Variants in NKAIN3 observed in about 807,000 individuals in gnomAD.
NKAIN3 encodes sodium/potassium-transporting ATPase subunit beta-1-interacting protein 3.
Under a neutral mutation model 30.2 loss-of-function variants are expected in NKAIN3, and 25 were observed. The ratio of observed to expected loss-of-function variants is 0.83; its 90% CI spans 0.60 to 1.16. The LOEUF (loss-of-function observed/expected upper bound fraction) is 1.16, where lower values mean the gene tolerates loss of function less well. Among genes scored for constraint, NKAIN3 ranks in the 50% most tolerant of loss-of-function variants. The pLI is 0.00. For synonymous variants in NKAIN3, 91 were observed against 89.6 expected, an observed-to-expected ratio of 1.02 and a Z score of -0.09; for missense variants, 225 against 254.1, an observed-to-expected ratio of 0.89 and a Z score of 0.78.
At chr8:62,725,150 T>G (rs1815215181) in intron 3 of NKAIN3, among the ~76,000 whole-genome samples, 1 of 152,196 alleles carries the variant, frequency 6.6e-6, no homozygotes, top group Non-Finnish European at 1.5e-5. Flanking sequence ...GAGCACCTCT[T>G]AATGTATCTG....
At chr8:62,486,932 C>A (rs1353139656) in intron 1 of NKAIN3, among the ~76,000 whole-genome samples, 2 of 152,122 alleles carry the variant, frequency 1.3e-5, no homozygotes, top group African/African-American at 4.8e-5. Context: ...GATGGCCCAA[C>A]GAAGTGGAAG....
chr8:62,660,481 A>G (rs1315163649), intron 3 of NKAIN3, among the ~76,000 whole-genome samples: 1 of 152,134 alleles, frequency 6.6e-6, no homozygotes, highest in Non-Finnish European at 1.5e-5. Context: ...GAAGAGCCCA[A>G]TTACACCTGG....
chr8:62,496,476 A>G (rs1280523798), intron 1 of NKAIN3, among the ~76,000 whole-genome samples: 2 of 152,174 alleles, frequency 1.3e-5, no homozygotes, highest in Non-Finnish European at 2.9e-5. Context: ...TGAAAGGAAC[A>G]GTACCATAGG....
intron 1 of NKAIN3, among the ~76,000 whole-genome samples, chr8:62,562,152 C>T (rs1809604176): frequency 6.6e-6 from 1 of 152,130 alleles, no homozygotes; most frequent in East Asian, 1.9e-4. Flanking sequence ...TATTTAGCCT[C>T]TTTATACACA....
intron 3 of NKAIN3, among the ~76,000 whole-genome samples, chr8:62,614,973 C>A (rs1296322960): frequency 6.6e-6 from 1 of 152,162 alleles, no homozygotes; most frequent in Non-Finnish European, 1.5e-5. Flanking sequence ...ACACCAAGAG[C>A]CTGCTTGGTG....
intron 4 of NKAIN3, among the ~76,000 whole-genome samples, chr8:62,778,587 G>T (rs1817258507): frequency 6.6e-6 from 1 of 151,994 alleles, no homozygotes; most frequent in African/African-American, 2.4e-5. Context: ...GCCAGGCCTG[G>T]GACTCTCCCT....
At chr8:62,323,483 G>T (rs756448970) in intron 1 of NKAIN3, among the ~76,000 whole-genome samples, 5 of 152,210 alleles carry the variant, frequency 3.3e-5, no homozygotes, top group Non-Finnish European at 5.9e-5. Flanking sequence ...TAACAAGAAT[G>T]CTGTGAGTCC....
chr8:62,736,550 C>A (rs1174999796), intron 3 of NKAIN3, among the ~76,000 whole-genome samples: 1 of 152,192 alleles, frequency 6.6e-6, no homozygotes, highest in African/African-American at 2.4e-5. Context: ...CACGCAACAG[C>A]ACCAAGTTTA....
chr8:62,860,177 A>T (rs562071064), intron 4 of NKAIN3, among the ~76,000 whole-genome samples: 1 of 152,338 alleles, frequency 6.6e-6, no homozygotes, highest in East Asian at 1.9e-4. Flanking sequence ...AATTTGGAAG[A>T]GGCAAAATAT....
At chr8:62,472,379 G>T (rs1055598744) in intron 1 of NKAIN3, among the ~76,000 whole-genome samples, 1 of 152,118 alleles carries the variant, frequency 6.6e-6, no homozygotes, top group African/African-American at 2.4e-5. Flanking sequence ...TTGAGTGATG[G>T]GCAAGATACC....
intron 1 of NKAIN3, among the ~76,000 whole-genome samples, chr8:62,436,516 A>C (rs1271004946): frequency 6.6e-6 from 1 of 152,190 alleles, no homozygotes; most frequent in Admixed American, 6.5e-5. Flanking sequence ...TGTGATCACC[A>C]GCTTAATGAA....
chr8:62,639,144 G>GCAGA (rs1257658461), intron 3 of NKAIN3, among the ~76,000 whole-genome samples: 2 of 152,174 alleles, frequency 1.3e-5, no homozygotes, highest in South Asian at 4.1e-4. Context: ...ACACAGGAAA[G>GCAGA]CAGACAGAGA....
chr8:62,950,899 T>A lies in NKAIN3; in HGVS notation c.533-3003T>A, dbSNP rs961477648. On this transcript the variant is annotated intron_variant, in intron 5 of 6. Transcript: ENST00000623646. Reference sequence around the variant, plus strand: ...TAGACAACTCTTTCCATTTCTACCATAGTCTTATCAAGGTATGCGAGATGC... The same window carrying A: ...TAGACAACTCTTTCCATTTCTACCAAAGTCTTATCAAGGTATGCGAGATGC... Among the ~76,000 whole-genome samples, 4 of 150,588 alleles carry A rather than the reference T, an allele frequency of 2.7e-5. No homozygotes were observed. The Admixed American group carries it at 2.7e-4, about 10-fold the overall frequency.
At chr8:62,786,519 A>C (rs1316665510) in intron 4 of NKAIN3, among the ~76,000 whole-genome samples, 1 of 151,928 alleles carries the variant, frequency 6.6e-6, no homozygotes, top group African/African-American at 2.4e-5. Context: ...TGAATTACCT[A>C]GCAAAGTTGA....
chr8:62,666,830 C>T (rs1813119434), intron 3 of NKAIN3, among the ~76,000 whole-genome samples: 1 of 152,058 alleles, frequency 6.6e-6, no homozygotes, highest in African/African-American at 2.4e-5. Context: ...GGAAAGGAGG[C>T]TTATTCATCA....
chr8:62,878,238 A>T (rs1820860660), intron 4 of NKAIN3, among the ~76,000 whole-genome samples: 1 of 151,990 alleles, frequency 6.6e-6, no homozygotes, highest in African/African-American at 2.4e-5. Flanking sequence ...ACAATTCTAA[A>T]TTTTTTTTCT....
chr8:62,398,823 G>A (rs1817845115), intron 1 of NKAIN3, among the ~76,000 whole-genome samples: 1 of 152,238 alleles, frequency 6.6e-6, no homozygotes, highest in African/African-American at 2.4e-5. Context: ...CGGGAGCATT[G>A]GCTCATGCCT....
chr8:62,703,000 C>A (rs1814391154), intron 3 of NKAIN3, among the ~76,000 whole-genome samples: 1 of 152,136 alleles, frequency 6.6e-6, no homozygotes, highest in South Asian at 2.1e-4. Flanking sequence ...CATTAATGAT[C>A]GCCTCCGTTT....
At chr8:62,372,211 A>G (rs930711075) in intron 1 of NKAIN3, among the ~76,000 whole-genome samples, 1 of 147,166 alleles carries the variant, frequency 6.8e-6, no homozygotes, top group African/African-American at 2.5e-5. Flanking sequence ...ATTTACTTAA[A>G]AAAAGAAAAA....
Sources: allele counts gnomAD v4.1 joint callset (sites outside exome capture counted in the v4.1 genomes callset), GRCh38; gene constraint gnomAD v4.1.1; transcripts MANE v1.5; gene names NCBI Gene and HGNC (gene_info 2026-07-23, HGNC 2026-07-21).